TGFBR3: variants seen among roughly 807,000 people sequenced by gnomAD.
The protein encoded by TGFBR3 is transforming growth factor beta receptor type 3.
Under a neutral mutation model 87.9 loss-of-function variants are expected in TGFBR3, and 46 were observed. The observed-to-expected ratio is 0.52, with a 90% confidence interval of 0.41 to 0.67. The LOEUF (loss-of-function observed/expected upper bound fraction) is 0.67, where lower values mean the gene tolerates loss of function less well. TGFBR3 is among the 30% of genes least tolerant of loss of function. The probability of loss-of-function intolerance (pLI) is 0.00; values close to 1 mark genes in which losing one functional copy is unlikely to be tolerated. For missense variants in TGFBR3, 866 were observed against 1,041.9 expected, an observed-to-expected ratio of 0.83 and a Z score of 2.32; for synonymous variants, 381 against 391.6, an observed-to-expected ratio of 0.97 and a Z score of 0.32.
intron 4 of TGFBR3, among the ~76,000 whole-genome samples, chr1:91,748,092 A>C (rs368756718): frequency 1.3e-5 from 2 of 152,324 alleles, no homozygotes; most frequent in South Asian, 4.1e-4. Context: ...TTTGGGAAAA[A>C]AAGTTCTAAA....
At chr1:91,715,004 G>A (rs1018246867) in intron 12 of TGFBR3, among the ~76,000 whole-genome samples, 3 of 152,146 alleles carry the variant, frequency 2.0e-5, no homozygotes, top group African/African-American at 4.8e-5. Context: ...ACAGAAACAC[G>A]TGCACCAAAG....
chr1:91,810,533 T>C (rs1675992162), intron 2 of TGFBR3, among the ~76,000 whole-genome samples: 1 of 152,212 alleles, frequency 6.6e-6, no homozygotes, highest in African/African-American at 2.4e-5. Flanking sequence ...GGACTGTGTT[T>C]CTTTTACTTC....
intron 2 of TGFBR3, among the ~76,000 whole-genome samples, chr1:91,814,546 A>G (rs1359548050): frequency 6.6e-6 from 1 of 152,190 alleles, no homozygotes; most frequent in South Asian, 2.1e-4. Flanking sequence ...TCCAAAACAT[A>G]TAAGAACATG....
chr1:91,849,853 C>A (rs111781194), intron 2 of TGFBR3, among the ~76,000 whole-genome samples: 12 of 151,694 alleles, frequency 7.9e-5, no homozygotes, highest in African/African-American at 2.4e-4. Context: ...GAGGCCGAGG[C>A]GGGCCGATCA....
intron 6 of TGFBR3, among the ~76,000 whole-genome samples, chr1:91,729,580 T>C (rs902763372): frequency 6.6e-6 from 1 of 152,166 alleles, no homozygotes; most frequent in Non-Finnish European, 1.5e-5. Context: ...ATATAAAATA[T>C]ACCACTGGTG....
At chr1:91,874,737 C>T (rs1678717749) in intron 1 of TGFBR3, among the ~76,000 whole-genome samples, 1 of 152,094 alleles carries the variant, frequency 6.6e-6, no homozygotes, top group Non-Finnish European at 1.5e-5. Flanking sequence ...TTGTGATCCG[C>T]CTGCCTCAGC....
intron 2 of TGFBR3, among the ~76,000 whole-genome samples, chr1:91,827,244 C>T (rs1676678859): frequency 6.6e-6 from 1 of 152,142 alleles, no homozygotes; most frequent in South Asian, 2.1e-4. Context: ...ATCACAACAA[C>T]AGAACCAGCG....
chr1:91,811,949 C>A (rs531933838), intron 2 of TGFBR3, among the ~76,000 whole-genome samples: 4 of 150,322 alleles, frequency 2.7e-5, no homozygotes, highest in Admixed American at 1.3e-4. Context: ...TTTCAGAAAT[C>A]CGTGTGTGTT....
intron 16 of TGFBR3, among the ~76,000 whole-genome samples, chr1:91,685,530 G>A (rs894769181): frequency 5.3e-5 from 8 of 152,006 alleles, no homozygotes; most frequent in African/African-American, 1.9e-4. Context: ...CACTGTGTTA[G>A]CCAGGATGGT....
rs145694501 is a variant in TGFBR3, at chr1:91,720,074, C to T, written c.1232G>A (p.Arg411Lys). 5.6e-6 allele frequency: 9 copies of T among 1,614,174 alleles called. No homozygotes were observed. In the East Asian group the frequency reaches 1.6e-4, roughly 28 times the overall value. Residue 411 changes from arginine to lysine, a missense_variant, in exon 9 of 17, where the codon AGA (arginine) becomes AAA (lysine). Arg to Lys is a conservative substitution (Grantham distance 26, BLOSUM62 2). Transcript: ENST00000212355. ...ATCTTCTCCCTCTTCATTCCAGACT[C>T]TCCTGGAAATATCTGGGAAAGGAAA... ...LPFPFPDISR[R>K]VWNEEGEDGL...
At chr1:91,726,433 T>C (rs1672551978) in intron 7 of TGFBR3, among the ~76,000 whole-genome samples, 1 of 151,934 alleles carries the variant, frequency 6.6e-6, no homozygotes. Context: ...TCAAAACATC[T>C]CTGACTTCAG....
At chr1:91,894,388 C>G (rs12747643) in intron 2 of TGFBR3, among the ~76,000 whole-genome samples, 67,570 of 151,970 alleles carry the variant, frequency 0.44, 15,531 homozygotes, top group Non-Finnish European at 0.51. Context: ...TTACTTGACC[C>G]CATCTATCCA....
rs1350067685 is a variant in TGFBR3, at chr1:91,861,511, A to G, written c.21T>C (p.Ile7=). The G allele has an allele frequency of 8.1e-6, 13 of 1,613,968 alleles. No individual in the cohort carries two copies. The highest frequency in any genetic ancestry group is 1.1e-5 in the Non-Finnish European group (13 of 1,179,820). MTSHYV[I]AIFALMSSCL... ...AGGAGCTCATCAGGGCAAAGATGGC[A>G]ATCACATAATGGGAAGTCATTTTTA... The change falls in exon 2 of 17, where the codon ATT becomes ATC. Residue 7 remains isoleucine, a synonymous_variant. Coordinates refer to ENST00000212355, the MANE Select transcript of TGFBR3 (RefSeq NM_003243.5).
chr1:91,814,588 A>T (rs530172117), intron 2 of TGFBR3, among the ~76,000 whole-genome samples: 7 of 152,278 alleles, frequency 4.6e-5, no homozygotes, highest in African/African-American at 1.7e-4. Flanking sequence ...AAATCTCAAC[A>T]CCAGGGACAA....
chr1:91,869,562 G>A (rs1322147745), intron 1 of TGFBR3, among the ~76,000 whole-genome samples: 1 of 152,234 alleles, frequency 6.6e-6, no homozygotes, highest in African/African-American at 2.4e-5. Flanking sequence ...TACTCGGGAG[G>A]CTGAGGCAGG....
At position 91,721,964 on chromosome 1, in the gene TGFBR3, CA is replaced by C. The variant is rs1328585081; in HGVS notation, c.1065del (p.Glu356LysfsTer106). The C allele has an allele frequency of 1.2e-6, 2 of 1,612,826 alleles. No homozygotes were observed. Among genetic ancestry groups the C allele is most frequent in the Non-Finnish European group, 1.7e-6 (2 of 1,179,444 alleles). ...AAAACTTCTAACTTACCATTATTTT[CA>C]AGCCGAAGATGAAATCTATTAGCCA... ...APVANRFHLR[L>X]ENNAEEMGDE... On this transcript the variant is annotated frameshift_variant, in exon 8 of 17. Transcript: ENST00000212355. LOFTEE classifies it high-confidence loss of function.
chr1:91,709,180 C>T (rs11165294), intron 13 of TGFBR3, among the ~76,000 whole-genome samples: 20,018 of 152,182 alleles, frequency 0.13, 1,590 homozygotes, highest in East Asian at 0.39. Context: ...CCCATAAAGA[C>T]GCTCCTCAAC....
chr1:91,730,832 T>C (rs1672740431), intron 5 of TGFBR3, among the ~76,000 whole-genome samples: 1 of 152,230 alleles, frequency 6.6e-6, no homozygotes, highest in Admixed American at 6.5e-5. Context: ...CACAGACAAC[T>C]CAAGTTTATA....
chr1:91,732,285 T>C (rs762403440), intron 5 of TGFBR3, among the ~76,000 whole-genome samples: 1 of 151,998 alleles, frequency 6.6e-6, no homozygotes, highest in East Asian at 1.9e-4. Context: ...ATTCTTTCAT[T>C]CTGGGTATAT....
Sources: allele counts gnomAD v4.1 joint callset (sites outside exome capture counted in the v4.1 genomes callset), GRCh38; gene constraint gnomAD v4.1.1; transcripts MANE v1.5; gene names NCBI Gene and HGNC (gene_info 2026-07-23, HGNC 2026-07-21).